SOX13: variants seen among roughly 807,000 people sequenced by gnomAD.
SOX13 encodes the protein transcription factor SOX-13.
A neutral mutation model predicts 71.8 loss-of-function variants in SOX13; 28 were observed. The ratio of observed to expected loss-of-function variants is 0.39; its 90% CI spans 0.29 to 0.53. The LOEUF (loss-of-function observed/expected upper bound fraction) is 0.53. Among genes scored for constraint, SOX13 ranks in the 20% least tolerant of loss-of-function variants. The pLI is 0.70. For missense variants in SOX13, 627 were observed against 810.3 expected, an observed-to-expected ratio of 0.77 and a Z score of 2.75; for synonymous variants, 309 against 317.8, an observed-to-expected ratio of 0.97 and a Z score of 0.29.
chr1:204,101,054 A>C (rs1656351581), intron 1 of SOX13, among the ~76,000 whole-genome samples: 1 of 152,238 alleles, frequency 6.6e-6, no homozygotes, highest in South Asian at 2.1e-4. Flanking sequence ...TAGGGAGACA[A>C]TCCCAGGGAG....
intron 1 of SOX13, among the ~76,000 whole-genome samples, chr1:204,087,908 T>C (rs973990514): frequency 2.6e-5 from 4 of 152,166 alleles, no homozygotes; most frequent in Non-Finnish European, 5.9e-5. Flanking sequence ...ATTGTCTAGG[T>C]AGTGGGGCTT....
Position 204,114,607 on chromosome 1 carries a change from T to A in SOX13, c.418+2T>A. ...CTATGGAAGCCAAAGATGTCAAAGG[T>A]GAAGGCCTGTTGGGGGTGGGGGAGA... On this transcript the variant is annotated splice_donor_variant, in intron 4 of 13. Coordinates refer to ENST00000367204, the MANE Select transcript of SOX13 (RefSeq NM_005686.3). LOFTEE classifies it high-confidence loss of function. 1 of 1,608,436 alleles carries A rather than the reference T, an allele frequency of 6.2e-7. No individual in the cohort carries two copies. Among genetic ancestry groups the A allele is most frequent in the Non-Finnish European group, 8.5e-7 (1 of 1,174,964 alleles).
At position 204,112,234 on chromosome 1, in the gene SOX13, A is replaced by G. The variant is rs61382621; in HGVS notation, c.-1-681A>G. Among the ~76,000 whole-genome samples, 20 of 152,308 alleles carry G rather than the reference A, an allele frequency of 1.3e-4. 1 individual carries two copies. The East Asian group carries it at 3.7e-3, about 28-fold the overall frequency. ...GGCGGGCAGATCACCTGAGGTCAGA[A>G]GTTGGAGACCAGCTTGGCCAACATG... is the stretch of plus-strand genomic sequence containing the variant. On this transcript the variant is annotated intron_variant, in intron 1 of 13. Transcript: ENST00000367204.
In SOX13 at chr1:204,117,077, G is replaced by T. The variant is rs372878442; in HGVS notation, c.592-45G>T. The T allele has an allele frequency of 1.4e-4, 223 of 1,592,918 alleles. 2 individuals carry two copies. The East Asian group carries it at 2.8e-3, about 20-fold the overall frequency. The stretch of plus-strand genomic sequence containing the variant: ...TAGGGCTGGGCAGACTGGGCACCAG[G>T]GCTAATGTCCGTGACCCCCTCTGCC... On this transcript the variant is annotated intron_variant, in intron 5 of 13. Transcript: ENST00000367204.
At chr1:204,091,696 A>C (rs147847990) in intron 1 of SOX13, among the ~76,000 whole-genome samples, 1 of 151,902 alleles carries the variant, frequency 6.6e-6, no homozygotes, top group East Asian at 1.9e-4. Context: ...TTTCTGGCAA[A>C]TAACAGAACT....
intron 1 of SOX13, among the ~76,000 whole-genome samples, chr1:204,083,853 T>A (rs1415703437): frequency 1.3e-5 from 2 of 151,992 alleles, no homozygotes; most frequent in East Asian, 3.9e-4. Flanking sequence ...ATACCAGTAC[T>A]GACAAACTGA....
At chr1:204,108,433 C>T (rs915702915) in intron 1 of SOX13, among the ~76,000 whole-genome samples, 2 of 152,336 alleles carry the variant, frequency 1.3e-5, no homozygotes, top group Non-Finnish European at 1.5e-5. Flanking sequence ...TGATGGCCTC[C>T]TCTGCCTCCA....
At chr1:204,098,586 A>G (rs1157282076) in intron 1 of SOX13, among the ~76,000 whole-genome samples, 3 of 152,244 alleles carry the variant, frequency 2.0e-5, no homozygotes, top group African/African-American at 7.2e-5. Flanking sequence ...GACTACGACT[A>G]TTCATTAGGC....
At chr1:204,089,149 A>T (rs1341500938) in intron 1 of SOX13, among the ~76,000 whole-genome samples, 1 of 138,312 alleles carries the variant, frequency 7.2e-6, no homozygotes, top group South Asian at 2.5e-4. Flanking sequence ...CCAGCCAAGC[A>T]CATTCTGTTC....
chr1:204,102,081 G>C (rs575844645), intron 1 of SOX13, among the ~76,000 whole-genome samples: 9 of 152,258 alleles, frequency 5.9e-5, no homozygotes, highest in African/African-American at 2.2e-4. Context: ...CCAATGCTGC[G>C]TGTCTCCCAG....
chr1:204,117,518 C>A, intron 6 of SOX13, 75 bp from the exon 7 acceptor site: 1 of 924,952 alleles, frequency 1.1e-6, no homozygotes, highest in Non-Finnish European at 1.7e-6. Flanking sequence ...GGTCCATTCT[C>A]TGTGCCATGG....
At chr1:204,110,346 G>A (rs979335184) in intron 1 of SOX13, among the ~76,000 whole-genome samples, 5 of 143,424 alleles carry the variant, frequency 3.5e-5, no homozygotes, top group African/African-American at 1.3e-4. Flanking sequence ...TCATGCTAAT[G>A]GGCAACATAG....
intron 6 of SOX13, among the ~76,000 whole-genome samples, 193 bp from the exon 7 acceptor site, chr1:204,117,400 C>T (rs1656716548): frequency 6.6e-6 from 1 of 151,374 alleles, no homozygotes; most frequent in Admixed American, 6.6e-5. Flanking sequence ...TCTTCCTCCC[C>T]AGCTGAGACC....
chr1:204,122,138 C>T, intron 8 of SOX13, 99 bp from the exon 9 acceptor site: 3 of 1,161,822 alleles, frequency 2.6e-6, no homozygotes, highest in Non-Finnish European at 3.7e-6. Flanking sequence ...TGTCTGTCTC[C>T]TTGTGTGTTC....
chr1:204,120,882 G>C (rs1441150890), intron 7 of SOX13, among the ~76,000 whole-genome samples: 2 of 152,164 alleles, frequency 1.3e-5, no homozygotes, highest in African/African-American at 4.8e-5. Context: ...GTGGAGTCTA[G>C]AGGCCCTGGG....
chr1:204,109,840 AT>A (rs1234620770), intron 1 of SOX13, among the ~76,000 whole-genome samples: 1 of 150,338 alleles, frequency 6.7e-6, no homozygotes, highest in African/African-American at 2.4e-5. Context: ...CATTATTATT[AT>A]TTTTTTTTGA....
intron 1 of SOX13, among the ~76,000 whole-genome samples, chr1:204,102,499 G>A (rs970774920): frequency 6.6e-6 from 1 of 152,128 alleles, no homozygotes; most frequent in African/African-American, 2.4e-5. Context: ...TGGCAGATTT[G>A]TAGCCTTTCC....
chr1:204,122,104 C>G, intron 8 of SOX13, 119 bp downstream of exon 8: 3 of 1,041,552 alleles, frequency 2.9e-6, no homozygotes, highest in Non-Finnish European at 2.8e-6. Context: ...TCTTGTTCAC[C>G]CGCTCCTTCT....
chr1:204,124,270 C>CTT (rs1296623732), intron 12 of SOX13, among the ~76,000 whole-genome samples: 3 of 152,198 alleles, frequency 2.0e-5, no homozygotes, highest in Non-Finnish European at 2.9e-5. Context: ...GCGCAGGACT[C>CTT]TGTCAACTGA....
Sources: gnomAD v4.1 joint callset for allele counts (sites outside exome capture counted in the v4.1 genomes callset) on GRCh38, gnomAD v4.1.1 for gene constraint, MANE v1.5 for transcripts, NCBI Gene and HGNC (gene_info 2026-07-23, HGNC 2026-07-21) for gene names.